USH2A: variants seen among roughly 807,000 people sequenced by gnomAD.
The protein encoded by USH2A is Usher syndrome 2A (autosomal recessive, mild).
In USH2A, 443 loss-of-function variants were observed where a neutral mutation model predicts 538.9. The ratio of observed to expected loss-of-function variants is 0.82; its 90% confidence interval spans 0.76 to 0.89. USH2A has a LOEUF of 0.89. Ranked by LOEUF, USH2A falls within the 40% of genes least tolerant of loss-of-function variation. The pLI, the probability that USH2A is intolerant of heterozygous loss-of-function variation, is 0.00. For missense variants in USH2A, 6,633 were observed against 6,324.8 expected (o/e 1.05, Z -1.65); for synonymous variants, 2,413 against 2,273.5 (o/e 1.06, Z -1.75).
chr1:215,666,713 G>A (rs80183803), intron 64 of USH2A, among the ~76,000 whole-genome samples: 268 of 152,262 alleles, frequency 1.8e-3, no homozygotes, highest in Non-Finnish European at 3.1e-3. Context: ...TAAGGCTTAA[G>A]TAGCATAGCA....
At chr1:215,630,501 T>TG (rs1354923652) in intron 70 of USH2A, among the ~76,000 whole-genome samples, 1 of 121,226 alleles carries the variant, frequency 8.2e-6, no homozygotes, top group African/African-American at 3.0e-5. Context: ...TATATATATA[T>TG]ATATATATAT....
At chr1:216,387,783 A>T (rs976019712) in intron 3 of USH2A, among the ~76,000 whole-genome samples, 2 of 152,182 alleles carry the variant, frequency 1.3e-5, no homozygotes, top group Non-Finnish European at 2.9e-5. Context: ...AGAGACAGAA[A>T]TGAAGACCCT....
chr1:216,220,737 G>T (rs540592061), intron 14 of USH2A, among the ~76,000 whole-genome samples: 165 of 152,054 alleles, frequency 1.1e-3, no homozygotes, highest in African/African-American at 3.7e-3. Context: ...TTGGGGCAGT[G>T]GCAAGGAGCA....
intron 50 of USH2A, among the ~76,000 whole-genome samples, chr1:215,793,590 T>C (rs796751638): frequency 6.6e-6 from 1 of 152,188 alleles, no homozygotes; most frequent in South Asian, 2.1e-4. Context: ...CATTCTGTTT[T>C]ATGGAAATCT....
At position 215,784,691 on chromosome 1, in the gene USH2A, G is replaced by A. The variant is rs1661743752; in HGVS notation, c.10388-1756C>T. ...GACTTAATCTAAATTGTTCTCAATG[G>A]AATTATCATAGCACCACTTGTGTGC... On this transcript the variant is annotated intron_variant, in intron 52 of 71. Coordinates refer to ENST00000307340, the MANE Select transcript of USH2A (RefSeq NM_206933.4). 2.6e-5 allele frequency among the ~76,000 whole-genome samples: 4 copies of A among 152,264 alleles called. No homozygotes were observed. The South Asian group carries it at 8.3e-4, about 32-fold the overall frequency.
intron 9 of USH2A, among the ~76,000 whole-genome samples, chr1:216,299,736 A>G (rs1414884149): frequency 6.6e-6 from 1 of 152,208 alleles, no homozygotes; most frequent in African/African-American, 2.4e-5. Flanking sequence ...ATCTGCAGAA[A>G]AAATGATTCT....
intron 21 of USH2A, among the ~76,000 whole-genome samples, chr1:216,104,290 C>T (rs1156358954): frequency 6.7e-6 from 1 of 148,254 alleles, no homozygotes; most frequent in Admixed American, 6.8e-5. Flanking sequence ...TTGTTCAATT[C>T]CCACCTATGA....
chr1:215,771,239 C>A (rs1457546123), intron 55 of USH2A, among the ~76,000 whole-genome samples: 1 of 151,752 alleles, frequency 6.6e-6, no homozygotes, highest in Non-Finnish European at 1.5e-5. Flanking sequence ...AGCCTTATAA[C>A]AAAAACGATG....
intron 61 of USH2A, among the ~76,000 whole-genome samples, chr1:215,725,809 G>A (rs1659800025): frequency 6.6e-6 from 1 of 152,204 alleles, no homozygotes; most frequent in Non-Finnish European, 1.5e-5. Flanking sequence ...GCCGCTTAAA[G>A]CTTGGGGCCA....
rs1436434108 is a variant in USH2A at position 216,042,209 on chromosome 1, A to G, written c.6325+4222T>C. 3.9e-5 allele frequency among the ~76,000 whole-genome samples: 6 copies of G among 152,184 alleles called. No homozygotes were observed. In the Middle Eastern group the frequency reaches 0.014, roughly 345 times the overall value. On this transcript the variant is annotated intron_variant, in intron 32 of 71. Transcript: ENST00000307340. ...AGGGAATATGTATTCAATATCATAC[A>G]TAGGTTATAGCTCAATTTTGTTAAC...
intron 40 of USH2A, among the ~76,000 whole-genome samples, chr1:215,890,754 T>C (rs1408776127): frequency 1.3e-5 from 2 of 152,192 alleles, no homozygotes; most frequent in Non-Finnish European, 1.5e-5. Context: ...ATGCTTGTCA[T>C]CTAGATTTGG....
rs1372747337 is a variant in USH2A, at chr1:215,623,746, GTAT to G, written c.*2032_*2034del. 1 of 152,102 alleles carries G rather than the reference GTAT, an allele frequency of 6.6e-6. No homozygotes were observed. The highest frequency in any genetic ancestry group is 1.9e-4 in the East Asian group (1 of 5,188). 9.4% of individuals were successfully genotyped at this position (152,102 alleles called of 1,614,324 possible). A position where few individuals can be genotyped will look rare whatever the true frequency, so the allele number is the denominator to read the frequency against. ...CCAAGATAAAATCCCCTGCAGTTCT[GTAT>G]TTTTTTGTGCGTTGTTAAAATTTTA... On this transcript the variant is annotated 3_prime_UTR_variant, in exon 72 of 72. Transcript: ENST00000307340.
chr1:215,917,248 T>C (rs1270621300), intron 38 of USH2A, among the ~76,000 whole-genome samples: 1 of 152,074 alleles, frequency 6.6e-6, no homozygotes, highest in Non-Finnish European at 1.5e-5. Context: ...ACATTTGAAT[T>C]CGTCTTAGTA....
intron 64 of USH2A, among the ~76,000 whole-genome samples, chr1:215,659,236 G>A (rs542558487): frequency 9.5e-4 from 144 of 152,300 alleles, no homozygotes; most frequent in Non-Finnish European, 1.6e-3. Context: ...ATCAAGCTGG[G>A]AAACAATTGG....
At chr1:216,120,844 C>A (rs573411206) in intron 21 of USH2A, among the ~76,000 whole-genome samples, 1 of 152,008 alleles carries the variant, frequency 6.6e-6, no homozygotes, top group African/African-American at 2.4e-5. Context: ...CAGTGAGACT[C>A]CGTCTCAAAA....
In USH2A at chr1:215,970,683, C is replaced by T; in HGVS notation, c.6899G>A (p.Ser2300Asn). 6.2e-7 allele frequency: 1 copy of T among 1,613,698 alleles called. No homozygotes were observed. The highest frequency in any genetic ancestry group is 2.2e-5 in the East Asian group (1 of 44,836). ...SYRAYGFAPW[S>N]LHSFRVQACT... ...TGCTTGGACTCTGAAGGAATGTAAA[C>T]TCCAAGGAGCAAATCCGTAAGCACG... The change falls in exon 36 of 72, where the codon AGT becomes AAT. Residue 2300 changes from serine (S) to asparagine (N), a missense_variant. Transcript: ENST00000307340.
intron 13 of USH2A, among the ~76,000 whole-genome samples, chr1:216,240,013 C>CAAAAAAAAAAAAAAA (rs55691066): frequency 3.6e-5 from 4 of 112,278 alleles, no homozygotes; most frequent in African/African-American, 6.6e-5. Context: ...ATGAAATAAA[C>CAAAAAAAAAAAAAAA]AAAAAAAAAA....
chr1:216,169,728 G>A (rs886982791), intron 21 of USH2A, among the ~76,000 whole-genome samples: 8 of 152,036 alleles, frequency 5.3e-5, no homozygotes, highest in African/African-American at 1.9e-4. Flanking sequence ...GTCACTGCCT[G>A]AGAATTATTT....
intron 51 of USH2A, among the ~76,000 whole-genome samples, chr1:215,788,696 A>T (rs1661876674): frequency 6.6e-6 from 1 of 152,176 alleles, no homozygotes; most frequent in Admixed American, 6.5e-5. Flanking sequence ...CAACAGAGAG[A>T]TAGGAATCAA....
Sources: gnomAD v4.1 joint callset for allele counts (sites outside exome capture counted in the v4.1 genomes callset) on GRCh38, gnomAD v4.1.1 for gene constraint, MANE v1.5 for transcripts, NCBI Gene and HGNC (gene_info 2026-07-23, HGNC 2026-07-21) for gene names.